DNMT3A: variants seen among roughly 807,000 people sequenced by gnomAD.
The protein encoded by DNMT3A is DNA methyltransferase 3 alpha, also known as DNA (cytosine-5)-methyltransferase 3A.
A neutral mutation model predicts 117.6 loss-of-function variants in DNMT3A; 267 were observed. The observed-to-expected ratio is 2.27, with a 90% CI of 2.05 to 2.51. DNMT3A has a LOEUF of 2.51. DNMT3A is among the 30% of genes most tolerant of loss of function. The probability of loss-of-function intolerance (pLI) is 0.00; values close to 1 mark genes in which losing one functional copy is unlikely to be tolerated. For synonymous variants in DNMT3A, 432 were observed against 474.8 expected (o/e 0.91, Z 1.17); for missense variants, 1,029 against 1,260.2 (o/e 0.82, Z 2.78).
At chr2:25,244,789 G>T (rs1003671438) in intron 13 of DNMT3A, 137 bp from the exon 14 acceptor site, 3 of 709,832 alleles carry the variant, frequency 4.2e-6, no homozygotes, top group Non-Finnish European at 7.3e-6. Context: ...CCAGGGTCAG[G>T]CCCCAGCTGC....
chr2:25,263,208 T>C (rs1302538787), intron 6 of DNMT3A, among the ~76,000 whole-genome samples: 1 of 152,096 alleles, frequency 6.6e-6, no homozygotes, highest in African/African-American at 2.4e-5. Flanking sequence ...AGTGCTGGGA[T>C]TACACTGCAC....
chr2:25,336,817 G>T (rs2035234474), intron 1 of DNMT3A, among the ~76,000 whole-genome samples: 1 of 152,202 alleles, frequency 6.6e-6, no homozygotes, highest in East Asian at 1.9e-4. Flanking sequence ...CACCCACAAT[G>T]ATGTCCTGCC....
intron 1 of DNMT3A, among the ~76,000 whole-genome samples, chr2:25,325,058 C>T (rs187720280): frequency 6.6e-6 from 1 of 152,168 alleles, no homozygotes; most frequent in Non-Finnish European, 1.5e-5. Flanking sequence ...AAACCTGCTG[C>T]CACTACGGCG....
intron 1 of DNMT3A, among the ~76,000 whole-genome samples, chr2:25,335,624 C>G (rs537446348): frequency 6.6e-6 from 1 of 152,154 alleles, no homozygotes; most frequent in Non-Finnish European, 1.5e-5. Context: ...TGCACTGAGC[C>G]CCCCTCCCCT....
rs1270753692 is a variant in DNMT3A at position 25,234,600 on chromosome 2, T to G, written c.2598-180A>C. The stretch of plus-strand genomic sequence containing the variant: ...TAGTTCTGCCGAATCTTCTGTCCTT[T>G]ATAAACAACCCGGCACTCAGATCAC... On this transcript the variant is annotated intron_variant, in intron 22 of 22. Transcript: ENST00000321117. The surrounding 1 kb of genome is among the most constrained non-coding windows in gnomAD (Gnocchi z 4.5). 6.6e-6 allele frequency among the ~76,000 whole-genome samples: 1 copy of G among 152,188 alleles called. No individual in the cohort carries two copies. The highest frequency in any genetic ancestry group is 1.5e-5 in the Non-Finnish European group (1 of 68,032).
intron 1 of DNMT3A, among the ~76,000 whole-genome samples, chr2:25,332,980 G>T (rs867532543): frequency 6.6e-6 from 1 of 152,272 alleles, no homozygotes; most frequent in South Asian, 2.1e-4. Context: ...CAGTGGGCAG[G>T]GAGGGAAAGA....
At chr2:25,335,362 G>C (rs1461825779) in intron 1 of DNMT3A, among the ~76,000 whole-genome samples, 1 of 152,224 alleles carries the variant, frequency 6.6e-6, no homozygotes, top group African/African-American at 2.4e-5. Flanking sequence ...CCACTGGCTT[G>C]GCAGGGGCAG....
chr2:25,241,599 A>C lies in DNMT3A; in HGVS notation c.2045T>G (p.Met682Arg), dbSNP rs1324879320. The stretch of plus-strand genomic sequence containing the variant: ...GACGCTGCGGACGTCCCCGACGTAC[A>C]TGATCTTCCCCTGGTGCCGCACCAT... ...VGMVRHQGKI[M>R]YVGDVRSVTQ... The change falls in exon 17 of 23, where the codon ATG becomes AGG. Residue 682 changes from methionine (M) to arginine (R), a missense_variant. Met to Arg is a moderately conservative substitution (Grantham distance 91). Transcript: ENST00000321117. 1 of 1,613,150 alleles carries C rather than the reference A, an allele frequency of 6.2e-7. No individual in the cohort carries two copies. The highest frequency in any genetic ancestry group is 8.5e-7 in the Non-Finnish European group (1 of 1,179,634).
At chr2:25,284,555 G>A (rs1298781400) in intron 3 of DNMT3A, among the ~76,000 whole-genome samples, 2 of 143,340 alleles carry the variant, frequency 1.4e-5, no homozygotes, top group African/African-American at 5.2e-5. Context: ...GCTGAGGCAG[G>A]AGAATCACTT....
At chr2:25,267,379 G>A (rs1323174790) in intron 6 of DNMT3A, among the ~76,000 whole-genome samples, 1 of 152,116 alleles carries the variant, frequency 6.6e-6, no homozygotes, top group East Asian at 1.9e-4. Context: ...TTCAAAGCCA[G>A]CCTGGTCAAC....
chr2:25,303,814 G>T (rs750823323), intron 2 of DNMT3A, among the ~76,000 whole-genome samples: 5 of 152,282 alleles, frequency 3.3e-5, no homozygotes, highest in African/African-American at 1.2e-4. Flanking sequence ...TCTGCGGAGG[G>T]AGGGGGCTAA....
intron 4 of DNMT3A, among the ~76,000 whole-genome samples, chr2:25,277,824 C>T (rs1474329554): frequency 6.6e-6 from 1 of 151,968 alleles, no homozygotes; most frequent in African/African-American, 2.4e-5. Context: ...GGTCCTGATG[C>T]CCCGGCAAGC....
At position 25,286,565 on chromosome 2, in the gene DNMT3A, T is replaced by G. The variant is rs1453312831; in HGVS notation, c.178-3854A>C. ...GGGATTTGGGGGGGAGGGCAATGAC[T>G]TCTGCCACGCTCAACCCTTGATTCA... On this transcript the variant is annotated intron_variant, in intron 3 of 22. Coordinates refer to ENST00000321117, the MANE Select transcript of DNMT3A (RefSeq NM_022552.5). This position sits in a 1 kb window ranked among gnomAD's most constrained non-coding sequence, Gnocchi z 4.3. Among the ~76,000 whole-genome samples the G allele has an allele frequency of 6.6e-6, 1 of 152,208 alleles. No individual in the cohort carries two copies. The highest frequency in any genetic ancestry group is 6.5e-5 in the Admixed American group (1 of 15,276).
rs146389485 is a variant in DNMT3A, at chr2:25,253,517, C to G, written c.640-5265G>C. Reference sequence around the variant, plus strand: ...GATGGGTAGGATGAGCAAGAGCTGCCGGGCTGGGGAGGGAGGAGACCCTCG... The same window carrying G: ...GATGGGTAGGATGAGCAAGAGCTGCGGGGCTGGGGAGGGAGGAGACCCTCG... On this transcript the variant is annotated intron_variant, in intron 6 of 22. Coordinates refer to ENST00000321117, the MANE Select transcript of DNMT3A (RefSeq NM_022552.5). Among the ~76,000 whole-genome samples, 414 of 152,164 alleles carry G rather than the reference C, an allele frequency of 2.7e-3. 2 individuals carry two copies. Among genetic ancestry groups the G allele is most frequent in the African/African-American group, 9.4e-3 (391 of 41,502 alleles).
chr2:25,328,575 C>A, intron 1 of DNMT3A: 1 of 466,186 alleles, frequency 2.1e-6, no homozygotes. Context: ...TTGTATCTTG[C>A]TGCCCGTCCC....
intron 6 of DNMT3A, among the ~76,000 whole-genome samples, chr2:25,263,573 T>A: frequency 6.6e-6 from 1 of 152,164 alleles, no homozygotes; most frequent in East Asian, 1.9e-4. Flanking sequence ...GGCCTCTTAA[T>A]AAAGCGGCAG....
At position 25,233,580 on chromosome 2, in the gene DNMT3A, G is replaced by A. The variant is rs1672997274; in HGVS notation, c.*699C>T. 1 of 233,236 alleles carries A rather than the reference G, an allele frequency of 4.3e-6. No homozygotes were observed. The highest frequency in any genetic ancestry group is 6.0e-5 in the East Asian group (1 of 16,640). 14.4% of individuals were successfully genotyped at this position (233,236 alleles called of 1,614,324 possible). A position where few individuals can be genotyped will look rare whatever the true frequency, so the allele number is the denominator to read the frequency against. On this transcript the variant is annotated 3_prime_UTR_variant, in exon 23 of 23. Transcript: ENST00000321117. ...GGCACCTGAAATACTGTAGAAAAAT[G>A]TCTTGTGTGGTGTTCTCGTCTCCCT...
chr2:25,239,619 CAG>C (rs1449566779), intron 19 of DNMT3A: 9 of 487,764 alleles, frequency 1.8e-5, no homozygotes, highest in Non-Finnish European at 3.0e-5. Context: ...CTAGACTACC[CAG>C]AGGCTGGGAG....
intron 3 of DNMT3A, among the ~76,000 whole-genome samples, chr2:25,284,961 C>G (rs1017712799): frequency 1.3e-5 from 2 of 152,238 alleles, no homozygotes; most frequent in East Asian, 3.8e-4. Flanking sequence ...ATCCCTCCAT[C>G]CCAGTGCAGA....
Sources: allele counts gnomAD v4.1 joint callset (sites outside exome capture counted in the v4.1 genomes callset), GRCh38; gene constraint gnomAD v4.1.1; non-coding constraint Gnocchi (gnomAD v3.1); transcripts MANE v1.5; gene names NCBI Gene and HGNC (gene_info 2026-07-23, HGNC 2026-07-21).